Variants in FGFR2 observed in about 807,000 individuals in gnomAD.
The protein encoded by FGFR2 is BEK fibroblast growth factor receptor.
In FGFR2, 19 loss-of-function variants were observed where a neutral mutation model predicts 95.9. The ratio of observed to expected loss-of-function variants is 0.20; its 90% CI spans 0.14 to 0.29. The LOEUF (loss-of-function observed/expected upper bound fraction) is 0.29, where lower values mean the gene tolerates loss of function less well. FGFR2 is among the 10% of genes least tolerant of loss of function. The pLI, the probability that FGFR2 is intolerant of heterozygous loss-of-function variation, is 1.00. For missense variants in FGFR2, 707 were observed against 1,056.9 expected (o/e 0.67, Z 4.59); for synonymous variants, 392 against 393.3 (o/e 1.00, Z 0.04).
chr10:121,482,900 C>A lies in FGFR2; in HGVS notation c.2301+798G>T, dbSNP rs137930339. Among the ~76,000 whole-genome samples the A allele has an allele frequency of 2.2e-3, 330 of 152,230 alleles. 1 individual carries two copies. Among genetic ancestry groups the A allele is most frequent in the African/African-American group, 7.6e-3 (314 of 41,536 alleles). On this transcript the variant is annotated intron_variant, in intron 17 of 17. Transcript: ENST00000358487. ...GCAAACTTCACCTCCTGGGTTCAAG[C>A]GATTCCCCTACCTCGCCTCCTAAGT...
intron 2 of FGFR2, among the ~76,000 whole-genome samples, chr10:121,567,214 G>A (rs1291374537): frequency 6.6e-6 from 1 of 152,122 alleles, no homozygotes; most frequent in Admixed American, 6.5e-5. Flanking sequence ...ACATGCATTG[G>A]GGACAAGAAA....
At chr10:121,596,784 T>G in intron 1 of FGFR2, 1 of 196,038 alleles carries the variant, frequency 5.1e-6, no homozygotes, top group Non-Finnish European at 1.1e-5. Flanking sequence ...TTTCATTTGT[T>G]TGCCTGAAAT....
At position 121,577,150 on chromosome 10, in the gene FGFR2, A is replaced by T. The variant is rs1269613489; in HGVS notation, c.110-11446T>A. On this transcript the variant is annotated intron_variant, in intron 2 of 17. Transcript: ENST00000358487. Reference sequence around the variant, plus strand: ...ACTCCATCTCAAAAAAAAAAAAAAAAAAAAAAAAATATATATATATATATA... The same window carrying T: ...ACTCCATCTCAAAAAAAAAAAAAAATAAAAAAAAATATATATATATATATA... Among the ~76,000 whole-genome samples, 15 of 23,722 alleles carry T rather than the reference A, an allele frequency of 6.3e-4. 1 individual carries two copies. Among genetic ancestry groups the T allele is most frequent in the African/African-American group, 2.1e-3 (11 of 5,264 alleles). The allele number at this position is 23,722 out of a possible 152,430, so 15.6% of individuals were successfully genotyped here.
intron 4 of FGFR2, among the ~76,000 whole-genome samples, chr10:121,555,521 T>C (rs1433997492): frequency 6.6e-6 from 1 of 152,136 alleles, no homozygotes; most frequent in Non-Finnish European, 1.5e-5. Flanking sequence ...TCCAATGGCA[T>C]TCAAAATGAA....
chr10:121,505,714 C>A lies in FGFR2; in HGVS notation c.1288-1773G>T, dbSNP rs1848177673. 2.6e-5 allele frequency among the ~76,000 whole-genome samples: 4 copies of A among 152,206 alleles called. No homozygotes were observed. In the South Asian group the frequency reaches 8.3e-4, roughly 31 times the overall value. On this transcript the variant is annotated intron_variant, in intron 9 of 17. Transcript: ENST00000358487. ...CCCCGCCATGTGGTATCCAACCTCA[C>A]TGTAGTGAGCTAACCTCGTCTGCGG...
intron 6 of FGFR2, among the ~76,000 whole-genome samples, chr10:121,533,870 G>C (rs1280711008): frequency 6.6e-6 from 1 of 152,094 alleles, no homozygotes; most frequent in Non-Finnish European, 1.5e-5. Context: ...TACCCCAGCT[G>C]AACCTGAACT....
chr10:121,514,998 A>T, intron 9 of FGFR2, 119 bp downstream of exon 9: 1 of 956,624 alleles, frequency 1.0e-6, no homozygotes, highest in Non-Finnish European at 1.6e-6. Flanking sequence ...GCATCACACC[A>T]GAATCACTCG....
At chr10:121,551,503 T>TC in intron 4 of FGFR2, 44 bp from the exon 5 acceptor site, 1 of 1,575,156 alleles carries the variant, frequency 6.3e-7, no homozygotes, top group Non-Finnish European at 8.7e-7. Flanking sequence ...ATGGACAGCT[T>TC]CCCCTCCATG....
chr10:121,590,574 GATT>G (rs1038865912), intron 2 of FGFR2, among the ~76,000 whole-genome samples: 2 of 152,068 alleles, frequency 1.3e-5, no homozygotes, highest in Non-Finnish European at 2.9e-5. Flanking sequence ...ATCTTCTAGA[GATT>G]ATTTTCTTAA....
At chr10:121,480,043 G>A (rs368840764) in intron 17 of FGFR2, 22 bp from the exon 18 acceptor site, 228 of 1,604,460 alleles carry the variant, frequency 1.4e-4, no homozygotes, top group Non-Finnish European at 1.8e-4. Context: ...GAAGAGAGAC[G>A]TTTTATTTCA....
intron 6 of FGFR2, among the ~76,000 whole-genome samples, chr10:121,532,313 C>T (rs990734745): frequency 1.1e-4 from 16 of 152,076 alleles, no homozygotes; most frequent in Non-Finnish European, 5.9e-5. Flanking sequence ...CGTCTCTGGA[C>T]GTGCAGAATC....
chr10:121,517,476 G>C lies in FGFR2; in HGVS notation c.940-13C>G, dbSNP rs1449186272. 1 of 1,613,926 alleles carries C rather than the reference G, an allele frequency of 6.2e-7. No individual in the cohort carries two copies. The highest frequency in any genetic ancestry group is 8.5e-7 in the Non-Finnish European group (1 of 1,180,012). ...TAACACCGGCGGCCTAGAAAACAAG[G>C]GAAGCAAAAGAAAAGGCTAGACGAC... is the stretch of plus-strand genomic sequence containing the variant. On this transcript the variant is annotated splice_polypyrimidine_tract_variant and intron_variant, in intron 7 of 17. Coordinates refer to ENST00000358487, the MANE Select transcript of FGFR2 (RefSeq NM_000141.5). This position sits in a 1 kb window ranked among gnomAD's most constrained non-coding sequence, Gnocchi z 4.7.
chr10:121,595,911 G>A (rs1429708807), intron 1 of FGFR2, among the ~76,000 whole-genome samples: 1 of 152,198 alleles, frequency 6.6e-6, no homozygotes, highest in African/African-American at 2.4e-5. Flanking sequence ...CAAACCCCAC[G>A]GCAGCCCCCT....
rs1236337782 is a variant in FGFR2, at chr10:121,524,099, TATACACACACACACAC to T, written c.749-3946_749-3931del. 3.5e-3 allele frequency among the ~76,000 whole-genome samples: 477 copies of T among 137,100 alleles called. 2 individuals are homozygous for T. Among genetic ancestry groups the T allele is most frequent in the Non-Finnish European group, 5.0e-3 (321 of 64,770 alleles). The allele number at this position is 137,100 out of a possible 152,430, so 89.9% of individuals were successfully genotyped here. On this transcript the variant is annotated intron_variant, in intron 6 of 17. Transcript: ENST00000358487. The stretch of plus-strand genomic sequence containing the variant: ...TTATTCCAATGCTATCCCGGCTATG[TATACACACACACACAC>T]ACACACACACACACACACACACACA...
chr10:121,560,731 A>G (rs1321349585), intron 4 of FGFR2, among the ~76,000 whole-genome samples: 1 of 152,002 alleles, frequency 6.6e-6, no homozygotes, highest in Non-Finnish European at 1.5e-5. Flanking sequence ...ATCACAGAAG[A>G]TACTTCCACT....
At position 121,565,521 on chromosome 10, in the gene FGFR2, G is replaced by C. The variant is rs1041970177; in HGVS notation, c.293C>G (p.Thr98Arg). The C allele has an allele frequency of 6.2e-7, 1 of 1,614,198 alleles. No individual in the cohort carries two copies. The highest frequency in any genetic ancestry group is 8.5e-7 in the Non-Finnish European group (1 of 1,180,040). The change falls in exon 3 of 18, where the codon ACG (threonine) becomes AGG (arginine). Residue 98 changes from threonine to arginine, a missense_variant. Coordinates refer to ENST00000358487, the MANE Select transcript of FGFR2 (RefSeq NM_000141.5). ...IGEYLQIKGATPRDSGLYACT... is the reference protein window; with the variant it reads ...IGEYLQIKGARPRDSGLYACT... ...AGCATAGAGGCCGGAGTCTCTAGGC[G>C]TGGCGCCCTTTATCTGCAAGTACTC...
chr10:121,550,289 C>G (rs1855175863), intron 5 of FGFR2, among the ~76,000 whole-genome samples: 1 of 152,300 alleles, frequency 6.6e-6, no homozygotes, highest in East Asian at 1.9e-4. Context: ...CTCTGCCTCT[C>G]CTGCTGGACT....
At chr10:121,529,011 C>A (rs1300306776) in intron 6 of FGFR2, among the ~76,000 whole-genome samples, 2 of 152,218 alleles carry the variant, frequency 1.3e-5, no homozygotes, top group Non-Finnish European at 2.9e-5. Flanking sequence ...ACTGGAACCT[C>A]TGCCTCCCGG....
chr10:121,535,848 A>G (rs1476416589), intron 6 of FGFR2, among the ~76,000 whole-genome samples: 1 of 152,238 alleles, frequency 6.6e-6, no homozygotes, highest in East Asian at 1.9e-4. Flanking sequence ...CACTTAAATT[A>G]CACGGCTTTT....
Sources: allele counts gnomAD v4.1 joint callset (sites outside exome capture counted in the v4.1 genomes callset), GRCh38; gene constraint gnomAD v4.1.1; non-coding constraint Gnocchi (gnomAD v3.1); transcripts MANE v1.5; gene names NCBI Gene and HGNC (gene_info 2026-07-23, HGNC 2026-07-21).